The following CCNYL1 variants were observed in gnomAD, a reference collection of about 807,000 sequenced individuals.
CCNYL1 encodes cyclin Y like 1.
In CCNYL1, 16 loss-of-function variants were observed where a neutral mutation model predicts 44.2. That is an observed-to-expected ratio of 0.36 (90% CI 0.25 to 0.55). The LOEUF is 0.55. Ranked by LOEUF, CCNYL1 falls within the 20% of genes least tolerant of loss-of-function variation. The probability of loss-of-function intolerance (pLI) is 0.85; values close to 1 mark genes in which losing one functional copy is unlikely to be tolerated. For synonymous variants in CCNYL1, 159 were observed against 163.2 expected (o/e 0.97, Z 0.20); for missense variants, 348 against 451.8 (o/e 0.77, Z 2.08).
intron 8 of CCNYL1, chr2:207,750,662 T>C: frequency 7.5e-6 from 2 of 265,996 alleles, no homozygotes; most frequent in Non-Finnish European, 1.4e-5. Context: ...GAGCGTGAAG[T>C]ATGAATTGTA....
chr2:207,747,635 A>G (rs901905296), intron 8 of CCNYL1, among the ~76,000 whole-genome samples: 3 of 152,040 alleles, frequency 2.0e-5, no homozygotes, highest in East Asian at 1.9e-4. Context: ...TGCAAGCTCC[A>G]CCTCCCAGGT....
chr2:207,745,820 G>T (rs1172005132), intron 7 of CCNYL1, among the ~76,000 whole-genome samples: 1 of 152,122 alleles, frequency 6.6e-6, no homozygotes, highest in African/African-American at 2.4e-5. Context: ...GTGCTGGCGG[G>T]TGCTCAGCTA....
intron 5 of CCNYL1, among the ~76,000 whole-genome samples, chr2:207,738,422 T>C (rs991693400): frequency 1.3e-5 from 2 of 152,190 alleles, no homozygotes; most frequent in African/African-American, 2.4e-5. Flanking sequence ...AGTTTTGCCA[T>C]GTTGACCAGG....
At chr2:207,740,118 A>G (rs1377851472) in intron 5 of CCNYL1, among the ~76,000 whole-genome samples, 1 of 152,232 alleles carries the variant, frequency 6.6e-6, no homozygotes. Context: ...AGCACAATGT[A>G]TTAGTTTTAT....
chr2:207,727,231 C>T (rs2091686689), intron 3 of CCNYL1, among the ~76,000 whole-genome samples: 1 of 152,132 alleles, frequency 6.6e-6, no homozygotes, highest in South Asian at 2.1e-4. Context: ...CCTGTCATAA[C>T]AAGTGAAAAC....
intron 1 of CCNYL1, among the ~76,000 whole-genome samples, chr2:207,715,222 C>G (rs1272144188): frequency 6.6e-6 from 1 of 151,982 alleles, no homozygotes; most frequent in Non-Finnish European, 1.5e-5. Context: ...GAGCTGAGAT[C>G]GTGCCACTGC....
intron 1 of CCNYL1, among the ~76,000 whole-genome samples, chr2:207,715,720 A>T (rs1181976522): frequency 1.5e-5 from 2 of 137,268 alleles, no homozygotes; most frequent in African/African-American, 5.5e-5. Flanking sequence ...CTTGTTGCTC[A>T]GGCTGGAGTG....
chr2:207,727,299 T>C (rs901893218), intron 3 of CCNYL1, among the ~76,000 whole-genome samples: 1 of 152,216 alleles, frequency 6.6e-6, no homozygotes, highest in African/African-American at 2.4e-5. Flanking sequence ...CCCATATATA[T>C]CACATTTTTA....
chr2:207,718,120 G>A (rs1199377737), intron 1 of CCNYL1, among the ~76,000 whole-genome samples: 2 of 151,982 alleles, frequency 1.3e-5, no homozygotes, highest in Non-Finnish European at 2.9e-5. Context: ...TAGCCAGGAT[G>A]GTCTCGATCT....
chr2:207,735,788 C>T (rs1043537811), intron 4 of CCNYL1, among the ~76,000 whole-genome samples: 5 of 151,880 alleles, frequency 3.3e-5, no homozygotes, highest in East Asian at 1.9e-4. Flanking sequence ...AGCTTGAATC[C>T]GGGAAGCGGA....
At chr2:207,725,504 T>C (rs1338361619) in intron 2 of CCNYL1, among the ~76,000 whole-genome samples, 1 of 152,202 alleles carries the variant, frequency 6.6e-6, no homozygotes, top group African/African-American at 2.4e-5. Flanking sequence ...AGATGAATGA[T>C]AGGATTTAAG....
At chr2:207,727,416 C>T (rs900566484) in intron 3 of CCNYL1, among the ~76,000 whole-genome samples, 2 of 152,244 alleles carry the variant, frequency 1.3e-5, no homozygotes, top group East Asian at 3.9e-4. Flanking sequence ...CTTTGTTTCT[C>T]TTAAATATTT....
At chr2:207,726,756 G>T in intron 2 of CCNYL1, 86 bp from the exon 3 acceptor site, 3 of 823,938 alleles carry the variant, frequency 3.6e-6, no homozygotes, top group Non-Finnish European at 5.8e-6. Flanking sequence ...ATCTCATTTT[G>T]TATATTGTTA....
chr2:207,711,870 G>A lies in CCNYL1; in HGVS notation c.-27G>A, dbSNP rs1329973727. 14 of 1,351,008 alleles carry A rather than the reference G, an allele frequency of 1.0e-5. No homozygotes were observed. In the African/African-American group the frequency reaches 1.9e-4, roughly 18 times the overall value. The allele number at this position is 1,351,008 out of a possible 1,614,324, so 83.7% of individuals were successfully genotyped here. The stretch of plus-strand genomic sequence containing the variant: ...GGCGGAGTAGGGGGCGAGCGAAGGC[G>A]GTGGCAGAGAGGAGCGGAGGCTTCC... On this transcript the variant is annotated 5_prime_UTR_variant, in exon 1 of 10. Coordinates refer to ENST00000295414, the MANE Select transcript of CCNYL1 (RefSeq NM_001330218.2).
chr2:207,718,792 A>C (rs2091617333), intron 1 of CCNYL1, among the ~76,000 whole-genome samples: 1 of 152,264 alleles, frequency 6.6e-6, no homozygotes, highest in South Asian at 2.1e-4. Flanking sequence ...TTGCAAATGC[A>C]TTTAATCCAG....
At position 207,712,078 on chromosome 2, in the gene CCNYL1, A is replaced by G. The variant is rs2091553071; in HGVS notation, c.182A>G (p.His61Arg). ...AELDFGEGEG[H>R]HLQHISDREM... ...TTGGATTTCGGAGAGGGCGAGGGCC[A>G]CCACCTGCAGCACATCAGCGACCGC... Residue 61 changes from histidine (H) to arginine (R), a missense_variant, in exon 1 of 10, where the codon CAC becomes CGC. Physicochemically the swap from His to Arg is conservative, Grantham distance 29 (BLOSUM62 0). This residue lies in a region of CCNYL1 where 209 missense variants were observed against 247.7 expected (regional missense o/e 0.84). Coordinates refer to ENST00000295414, the MANE Select transcript of CCNYL1 (RefSeq NM_001330218.2). 6.3e-7 allele frequency: 1 copy of G among 1,587,602 alleles called. No homozygotes were observed. Among genetic ancestry groups the G allele is most frequent in the Admixed American group, 1.8e-5 (1 of 57,116 alleles).
intron 3 of CCNYL1, among the ~76,000 whole-genome samples, chr2:207,732,818 T>A (rs1559168599): frequency 6.6e-6 from 1 of 152,242 alleles, no homozygotes; most frequent in Non-Finnish European, 1.5e-5. Context: ...CATAGTCACC[T>A]CCTTGATACA....
intron 1 of CCNYL1, among the ~76,000 whole-genome samples, chr2:207,713,249 G>A (rs1439478063): frequency 1.3e-5 from 2 of 152,202 alleles, no homozygotes; most frequent in Non-Finnish European, 2.9e-5. Flanking sequence ...AGGTGGGGTG[G>A]TTCATGGTTA....
chr2:207,730,863 A>T (rs893119826), intron 3 of CCNYL1, among the ~76,000 whole-genome samples: 1 of 152,162 alleles, frequency 6.6e-6, no homozygotes, highest in African/African-American at 2.4e-5. Context: ...TATAACCTTT[A>T]TTTTATGTCT....
Sources: allele counts gnomAD v4.1 joint callset (sites outside exome capture counted in the v4.1 genomes callset), GRCh38; gene constraint gnomAD v4.1.1; regional missense constraint gnomAD v4.1.1; transcripts MANE v1.5; gene names NCBI Gene and HGNC (gene_info 2026-07-23, HGNC 2026-07-21).